The following ANO3 variants were observed in gnomAD, a reference collection of about 807,000 sequenced individuals.
The protein encoded by ANO3 is anoctamin-3.
Under a neutral mutation model 144.8 loss-of-function variants are expected in ANO3, and 99 were observed. The ratio of observed to expected loss-of-function variants is 0.68; its 90% CI spans 0.58 to 0.81. The LOEUF is 0.81. Among genes scored for constraint, ANO3 ranks in the 30% least tolerant of loss-of-function variants. The pLI is 0.00. For synonymous variants in ANO3, 414 were observed against 392.6 expected, an observed-to-expected ratio of 1.05 and a Z score of -0.64; for missense variants, 905 against 1,202.2, an observed-to-expected ratio of 0.75 and a Z score of 3.66.
intron 1 of ANO3, among the ~76,000 whole-genome samples, chr11:26,345,869 G>T (rs140455427): frequency 6.6e-6 from 1 of 152,020 alleles, no homozygotes; most frequent in Admixed American, 6.6e-5. Context: ...CTGTTTTGCC[G>T]AAGGAAACAA....
At chr11:26,643,798 A>C (rs1183192667) in intron 23 of ANO3, among the ~76,000 whole-genome samples, 3 of 152,058 alleles carry the variant, frequency 2.0e-5, no homozygotes, top group African/African-American at 7.2e-5. Flanking sequence ...AAATAGCTTG[A>C]GGGAGTGACT....
chr11:26,296,157 G>A (rs774815097), intron 1 of ANO3, among the ~76,000 whole-genome samples: 6 of 152,122 alleles, frequency 3.9e-5, no homozygotes, highest in Admixed American at 3.3e-4. Flanking sequence ...TCTTGTGTTG[G>A]CAATTGATCT....
intron 16 of ANO3, 99 bp downstream of exon 16, chr11:26,599,097 A>T (rs1851722195): frequency 7.8e-7 from 1 of 1,274,188 alleles, no homozygotes; most frequent in Non-Finnish European, 1.1e-6. Context: ...AATGTCAGAA[A>T]CCTTATTCTT....
At chr11:26,639,295 A>G (rs1853067908) in intron 21 of ANO3, 54 bp downstream of exon 21, 1 of 1,386,610 alleles carries the variant, frequency 7.2e-7, no homozygotes, top group Non-Finnish European at 1.0e-6. Flanking sequence ...GAGGAAAGCT[A>G]GAGGTGGCGT....
chr11:26,449,753 CT>C (rs78519382), intron 3 of ANO3, among the ~76,000 whole-genome samples: 2,730 of 150,336 alleles, frequency 0.018, 69 homozygotes, highest in African/African-American at 0.06. Context: ...GTAGAATTGC[CT>C]TTTTTTTTTT....
intron 1 of ANO3, among the ~76,000 whole-genome samples, chr11:26,397,332 AG>A (rs1857041945): frequency 6.6e-6 from 1 of 152,118 alleles, no homozygotes; most frequent in Non-Finnish European, 1.5e-5. Context: ...CCTAGGCTTT[AG>A]AAGTTTTCAA....
At chr11:26,297,466 C>G (rs1443440606) in intron 1 of ANO3, among the ~76,000 whole-genome samples, 1 of 152,110 alleles carries the variant, frequency 6.6e-6, no homozygotes, top group African/African-American at 2.4e-5. Context: ...CTGAATGAAT[C>G]AAGGGTCCTC....
chr11:26,576,072 C>T (rs1329890921), intron 14 of ANO3, among the ~76,000 whole-genome samples: 4 of 152,208 alleles, frequency 2.6e-5, no homozygotes, highest in African/African-American at 9.6e-5. Flanking sequence ...TGTTAGCACT[C>T]TGGGGCTCTG....
At chr11:26,313,694 A>AG (rs1371959284) in intron 1 of ANO3, among the ~76,000 whole-genome samples, 1 of 152,000 alleles carries the variant, frequency 6.6e-6, no homozygotes, top group Non-Finnish European at 1.5e-5. Context: ...TCAAAAAAAA[A>AG]TAAAAAAAGA....
intron 1 of ANO3, among the ~76,000 whole-genome samples, chr11:26,419,057 A>G (rs1857676891): frequency 6.6e-6 from 1 of 152,162 alleles, no homozygotes; most frequent in Non-Finnish European, 1.5e-5. Context: ...TACAGAAAGC[A>G]TGATGCTGGC....
rs765027249 is a variant in ANO3, at chr11:26,660,455, T to C, written c.*11T>C. 1 of 1,607,332 alleles carries C rather than the reference T, an allele frequency of 6.2e-7. No homozygotes were observed. The highest frequency in any genetic ancestry group is 8.5e-7 in the Non-Finnish European group (1 of 1,177,214). On this transcript the variant is annotated 3_prime_UTR_variant, in exon 27 of 27. Transcript: ENST00000256737. ...CATGAATGGCCTTAGTTGACACCTG[T>C]TACCCATTAGGGGTGATAACATTAA...
chr11:26,424,298 T>C (rs1314041790), intron 1 of ANO3, among the ~76,000 whole-genome samples: 1 of 151,712 alleles, frequency 6.6e-6, no homozygotes, highest in Non-Finnish European at 1.5e-5. Context: ...TATGTCAGTT[T>C]TTTTTTCATT....
chr11:26,254,605 T>C (rs1051953826), intron 1 of ANO3, among the ~76,000 whole-genome samples: 2 of 152,156 alleles, frequency 1.3e-5, no homozygotes, highest in Non-Finnish European at 2.9e-5. Context: ...CGCTTATGCA[T>C]TTTGTTATGC....
intron 1 of ANO3, among the ~76,000 whole-genome samples, chr11:26,371,162 T>C (rs1856243022): frequency 6.6e-6 from 1 of 152,172 alleles, no homozygotes; most frequent in South Asian, 2.1e-4. Flanking sequence ...TCTCAGGACA[T>C]GGTGCCCTGT....
At chr11:26,649,484 A>G (rs535539254) in intron 24 of ANO3, among the ~76,000 whole-genome samples, 94 of 152,182 alleles carry the variant, frequency 6.2e-4, no homozygotes, top group Non-Finnish European at 1.2e-3. Context: ...CACGCCTGTA[A>G]TCCCAGCACT....
intron 1 of ANO3, among the ~76,000 whole-genome samples, chr11:26,337,201 T>G (rs1332570255): frequency 6.6e-6 from 1 of 152,200 alleles, no homozygotes; most frequent in Non-Finnish European, 1.5e-5. Flanking sequence ...TAAAAAATCT[T>G]GCATATATAC....
intron 9 of ANO3, among the ~76,000 whole-genome samples, chr11:26,535,646 G>A (rs549161895): frequency 2.5e-5 from 3 of 120,436 alleles, no homozygotes; most frequent in East Asian, 2.8e-4. Context: ...GCAGTGGCAC[G>A]ATCTCAATTC....
At chr11:26,382,070 A>G (rs1448143048) in intron 1 of ANO3, among the ~76,000 whole-genome samples, 1 of 152,178 alleles carries the variant, frequency 6.6e-6, no homozygotes, top group Non-Finnish European at 1.5e-5. Flanking sequence ...TTAATAATTT[A>G]TTATGCATAT....
At chr11:26,284,214 A>G (rs1853748858) in intron 1 of ANO3, among the ~76,000 whole-genome samples, 1 of 152,210 alleles carries the variant, frequency 6.6e-6, no homozygotes, top group Non-Finnish European at 1.5e-5. Context: ...TGAAAACAAG[A>G]GAAGGAAGCA....
Sources: allele counts gnomAD v4.1 joint callset (sites outside exome capture counted in the v4.1 genomes callset), GRCh38; gene constraint gnomAD v4.1.1; transcripts MANE v1.5; gene names NCBI Gene and HGNC (gene_info 2026-07-23, HGNC 2026-07-21).